Variants in TUSC3 observed in about 807,000 individuals in gnomAD.
TUSC3 encodes dolichyl-diphosphooligosaccharide--protein glycosyltransferase subunit TUSC3.
A neutral mutation model predicts 44.8 loss-of-function variants in TUSC3; 45 were observed. The observed-to-expected ratio is 1.00, with a 90% confidence interval of 0.79 to 1.29. TUSC3 has a LOEUF of 1.29. Among genes scored for constraint, TUSC3 ranks in the 50% most tolerant of loss-of-function variants. The pLI, the probability that TUSC3 is intolerant of heterozygous loss-of-function variation, is 0.00. For missense variants in TUSC3, 519 were observed against 437.9 expected (o/e 1.19, Z -1.65); for synonymous variants, 212 against 152.9 (o/e 1.39, Z -2.85).
chr8:15,818,226 G>T, the TUSC3 span, among the ~76,000 whole-genome samples: 4,192 of 152,238 alleles, frequency 0.028, 198 homozygotes, highest in African/African-American at 0.095. Flanking sequence ...ATTGACACAT[G>T]ATAGTCATCA....
intron 1 of TUSC3, among the ~76,000 whole-genome samples, chr8:15,467,277 CAAAAAA>C (rs11371796): frequency 2.9e-5 from 3 of 103,038 alleles, no homozygotes; most frequent in East Asian, 3.0e-4. Context: ...GTTCTTTAGC[CAAAAAA>C]AAAAAAAAAA....
chr8:15,743,742 A>G (rs1811292368), intron 8 of TUSC3, 130 bp downstream of exon 8: 2 of 1,052,906 alleles, frequency 1.9e-6, no homozygotes, highest in Non-Finnish European at 2.9e-6. Flanking sequence ...AGAAGATTTT[A>G]ACTTTTTTCT....
the TUSC3 span, among the ~76,000 whole-genome samples, chr8:15,840,102 T>C: frequency 1.3e-5 from 2 of 152,070 alleles, no homozygotes; most frequent in Non-Finnish European, 2.9e-5. Flanking sequence ...CTGGAAACCA[T>C]CATTCTCAGC....
chr8:15,729,821 C>T (rs1255946837), intron 6 of TUSC3, among the ~76,000 whole-genome samples: 2 of 151,774 alleles, frequency 1.3e-5, no homozygotes, highest in African/African-American at 2.4e-5. Context: ...ATGCAATTTC[C>T]CATGTAACAA....
intron 10 of TUSC3, among the ~76,000 whole-genome samples, chr8:15,760,898 A>G (rs352806): frequency 0.25 from 38,471 of 152,122 alleles, 5,312 homozygotes; most frequent in Admixed American, 0.43. Flanking sequence ...CCTGCATCTT[A>G]CTTGTTCTCA....
chr8:15,756,500 A>C (rs1292909197), intron 9 of TUSC3, among the ~76,000 whole-genome samples: 1 of 152,180 alleles, frequency 6.6e-6, no homozygotes, highest in Non-Finnish European at 1.5e-5. Flanking sequence ...GTTTTTCATT[A>C]AGTATTCATT....
chr8:15,739,988 A>G (rs1441055764), intron 7 of TUSC3, among the ~76,000 whole-genome samples: 3 of 152,212 alleles, frequency 2.0e-5, no homozygotes, highest in African/African-American at 4.8e-5. Flanking sequence ...GAATAAAACA[A>G]AGTTCTTGCC....
At chr8:15,483,309 G>T (rs1029368256) in intron 1 of TUSC3, 5 of 182,180 alleles carry the variant, frequency 2.7e-5, no homozygotes, top group Admixed American at 5.7e-5. Context: ...TAAAGAAAAA[G>T]CACTGTTTTT....
intron 9 of TUSC3, among the ~76,000 whole-genome samples, chr8:15,750,972 G>A (rs986479896): frequency 1.3e-5 from 2 of 152,062 alleles, no homozygotes; most frequent in Non-Finnish European, 2.9e-5. Context: ...TCAGAAGAGA[G>A]CCTATCAAAG....
At chr8:15,488,957 C>A (rs1347765844) in intron 2 of TUSC3, among the ~76,000 whole-genome samples, 2 of 152,126 alleles carry the variant, frequency 1.3e-5, no homozygotes, top group African/African-American at 4.8e-5. Flanking sequence ...TGACCTTCCC[C>A]AGTAATCTCA....
At chr8:15,592,140 C>T (rs904758555) in intron 1 of TUSC3, among the ~76,000 whole-genome samples, 4 of 152,162 alleles carry the variant, frequency 2.6e-5, no homozygotes, top group African/African-American at 4.8e-5. Flanking sequence ...TTCCTAGATT[C>T]TTGACTTGAA....
rs897702076 is a variant in TUSC3 at position 15,478,811 on chromosome 8, T to G, written n.92-4575T>G. Among the ~76,000 whole-genome samples, 83 of 152,186 alleles carry G rather than the reference T, an allele frequency of 5.5e-4. 1 individual carries two copies. Among genetic ancestry groups the G allele is most frequent in the Non-Finnish European group, 2.4e-4 (16 of 68,038 alleles). On this transcript the variant is annotated intron_variant and non_coding_transcript_variant, in intron 1 of 5. Coordinates refer to the TUSC3 transcript ENST00000503191. ...GGTATATACCTAGTAATGGGATTCATGGGTAAAATGGTATTTCTGTTTCTA... is the reference window on the plus strand; with the variant it reads ...GGTATATACCTAGTAATGGGATTCAGGGGTAAAATGGTATTTCTGTTTCTA...
At chr8:15,438,604 A>C (rs1172967721) in intron 1 of TUSC3, among the ~76,000 whole-genome samples, 1 of 152,208 alleles carries the variant, frequency 6.6e-6, no homozygotes, top group African/African-American at 2.4e-5. Flanking sequence ...ACCTTTGCTC[A>C]GCAAAGATGG....
chr8:15,455,594 T>C (rs1800247525), intron 1 of TUSC3, among the ~76,000 whole-genome samples: 1 of 152,120 alleles, frequency 6.6e-6, no homozygotes, highest in Non-Finnish European at 1.5e-5. Context: ...CTATTTGCAA[T>C]GTAAAAACCA....
intron 2 of TUSC3, among the ~76,000 whole-genome samples, chr8:15,509,168 A>G (rs1801099168): frequency 6.6e-6 from 1 of 152,222 alleles, no homozygotes; most frequent in Admixed American, 6.5e-5. Flanking sequence ...AAGAATCCAC[A>G]TTGTTTTCCA....
At chr8:15,500,411 T>G in intron 2 of TUSC3, among the ~76,000 whole-genome samples, 1 of 152,204 alleles carries the variant, frequency 6.6e-6, no homozygotes, top group East Asian at 1.9e-4. Context: ...AGTCATCACA[T>G]TTTTAAAAAA....
intron 1 of TUSC3, among the ~76,000 whole-genome samples, chr8:15,544,094 T>C (rs930141108): frequency 1.3e-5 from 2 of 152,210 alleles, no homozygotes; most frequent in African/African-American, 4.8e-5. Flanking sequence ...TAGTCACTTT[T>C]CTTAATTACA....
At chr8:15,615,115 A>T (rs982315977) in intron 1 of TUSC3, among the ~76,000 whole-genome samples, 1 of 152,202 alleles carries the variant, frequency 6.6e-6, no homozygotes, top group Non-Finnish European at 1.5e-5. Context: ...ATGGTTATTT[A>T]TCCAAAGGAA....
chr8:15,662,223 G>C lies in TUSC3; in HGVS notation c.635G>C (p.Gly212Ala). 1.2e-6 allele frequency: 2 copies of C among 1,613,210 alleles called. No individual in the cohort carries two copies. ...IALALLVSLV[G>A]GLLYLRRNNL... ...TTGGCCCTGTTAGTGTCGCTTGTTG[G>C]AGGTTTGCTTTATTTGAGAAGGAAC... The change falls in exon 5 of 11, where the codon GGA becomes GCA. Residue 212 changes from glycine to alanine, a missense_variant. By Grantham distance (60) the Gly-to-Ala change is moderately conservative. Coordinates refer to ENST00000503731, the MANE Select transcript of TUSC3 (RefSeq NM_006765.4).
Sources: gnomAD v4.1 joint callset for allele counts (sites outside exome capture counted in the v4.1 genomes callset) on GRCh38, gnomAD v4.1.1 for gene constraint, MANE v1.5 for transcripts, NCBI Gene and HGNC (gene_info 2026-07-23, HGNC 2026-07-21) for gene names.